Variants in GTF2H1 observed in about 807,000 individuals in gnomAD.
GTF2H1 encodes BTF2 p62.
A neutral mutation model predicts 71.2 loss-of-function variants in GTF2H1; 16 were observed. The observed-to-expected ratio is 0.22, with a 90% CI of 0.15 to 0.34. GTF2H1 has a LOEUF of 0.34. Ranked by LOEUF, GTF2H1 falls within the 10% of genes least tolerant of loss-of-function variation. The pLI is 1.00. For missense variants in GTF2H1, 498 were observed against 648.2 expected (o/e 0.77, Z 2.52); for synonymous variants, 215 against 219.0 (o/e 0.98, Z 0.16).
intron 7 of GTF2H1, among the ~76,000 whole-genome samples, chr11:18,345,499 C>CTT (rs772599660): frequency 5.0e-4 from 67 of 134,988 alleles, no homozygotes; most frequent in African/African-American, 1.5e-3. Flanking sequence ...GCATATGGAT[C>CTT]TTTTTTTTTT....
chr11:18,328,859 C>T (rs1264003611), intron 1 of GTF2H1, among the ~76,000 whole-genome samples: 1 of 151,994 alleles, frequency 6.6e-6, no homozygotes, highest in Non-Finnish European at 1.5e-5. Context: ...AAACTACATG[C>T]CTTTTTTTTC....
In GTF2H1 at chr11:18,349,207, T is replaced by TA. The variant is rs548875092; in HGVS notation, c.1053+1290dup. On this transcript the variant is annotated intron_variant, in intron 9 of 14. Transcript: ENST00000265963. Reference sequence around the variant, plus strand: ...ACTGTGCCAGCCTATTTCAGTAACTTAATGTTTTTACAGGCATGTATTACC... The same window carrying TA: ...ACTGTGCCAGCCTATTTCAGTAACTTAAATGTTTTTACAGGCATGTATTACC... 5.1e-4 allele frequency among the ~76,000 whole-genome samples: 77 copies of TA among 152,358 alleles called. 1 individual carries two copies. The highest frequency in any genetic ancestry group is 1.8e-3 in the African/African-American group (75 of 41,574).
chr11:18,327,262 C>G, intron 1 of GTF2H1, among the ~76,000 whole-genome samples: 1 of 149,386 alleles, frequency 6.7e-6, no homozygotes, highest in African/African-American at 2.4e-5. Flanking sequence ...AATAACTGCT[C>G]TAGTATAAAA....
intron 3 of GTF2H1, among the ~76,000 whole-genome samples, chr11:18,337,780 C>A (rs529689283): frequency 2.6e-5 from 4 of 152,220 alleles, no homozygotes; most frequent in Admixed American, 1.3e-4. Flanking sequence ...TGAGCATTTT[C>A]AGATACCAAC....
At chr11:18,335,217 C>T (rs1864996047) in intron 2 of GTF2H1, among the ~76,000 whole-genome samples, 1 of 152,190 alleles carries the variant, frequency 6.6e-6, no homozygotes, top group East Asian at 1.9e-4. Flanking sequence ...TGTTCCATCA[C>T]CTCAGAAAGC....
intron 8 of GTF2H1, 29 bp from the exon 9 acceptor site, chr11:18,347,803 G>T: frequency 6.3e-7 from 1 of 1,594,574 alleles, no homozygotes; most frequent in East Asian, 2.2e-5. Context: ...GGTTTTTAAC[G>T]TTAACTTTTT....
Position 18,366,093 on chromosome 11 carries a change from G to A in GTF2H1, c.*224G>A. 2 of 554,348 alleles carry A rather than the reference G, an allele frequency of 3.6e-6. No homozygotes were observed. Among genetic ancestry groups the A allele is most frequent in the Non-Finnish European group, 6.5e-6 (2 of 309,878 alleles). 34.3% of individuals were successfully genotyped at this position (554,348 alleles called of 1,614,324 possible). On this transcript the variant is annotated 3_prime_UTR_variant, in exon 15 of 15. Coordinates refer to ENST00000265963, the MANE Select transcript of GTF2H1 (RefSeq NM_005316.4). Reference sequence around the variant, plus strand: ...GGTAAATTAAGACAGAACCAAATGAGCTAAGTTGCAAATATATATATATAC... The same window carrying A: ...GGTAAATTAAGACAGAACCAAATGAACTAAGTTGCAAATATATATATATAC...
At position 18,351,935 on chromosome 11, in the gene GTF2H1, A is replaced by G; in HGVS notation, c.1108A>G (p.Lys370Glu). ...YEDLGKNNSVKTIALNLKKSD... is the reference protein window; with the variant it reads ...YEDLGKNNSVETIALNLKKSD... ...AGACTTGGGGAAAAATAATTCTGTA[A>G]AAACGATTGCACTAAACCTCAAGAA... The change falls in exon 10 of 15, where the codon AAA becomes GAA. Residue 370 changes from lysine to glutamate, a missense_variant. Physicochemically the swap from Lys to Glu is moderately conservative, Grantham distance 56 (BLOSUM62 1). Around this residue, in one of 3 missense-constraint regions of GTF2H1, gnomAD observed 266 missense variants for 301.6 expected, o/e 0.88. Coordinates refer to ENST00000265963, the MANE Select transcript of GTF2H1 (RefSeq NM_005316.4). The G allele has an allele frequency of 4.4e-6, 7 of 1,600,434 alleles. No individual in the cohort carries two copies. The highest frequency in any genetic ancestry group is 6.0e-6 in the Non-Finnish European group (7 of 1,167,766).
At chr11:18,336,010 A>C in intron 3 of GTF2H1, 64 bp downstream of exon 3, 1 of 1,177,384 alleles carries the variant, frequency 8.5e-7, no homozygotes, top group South Asian at 1.7e-5. Context: ...CTAGTATGCT[A>C]ATAGCTTGTT....
chr11:18,363,891 A>G (rs2133994743), intron 14 of GTF2H1, among the ~76,000 whole-genome samples: 1 of 152,102 alleles, frequency 6.6e-6, no homozygotes, highest in Non-Finnish European at 1.5e-5. Flanking sequence ...TGGCCAACAC[A>G]GTGAAACCCC....
In GTF2H1 at chr11:18,357,847, A is replaced by G. The variant is rs543320038; in HGVS notation, c.1261-105A>G. On this transcript the variant is annotated intron_variant, in intron 11 of 14. Transcript: ENST00000265963. ...AATGATGTAGTATTTAAACAAAAGG[A>G]AAAGCACTTCATTGTCTGCTCTAAA... is the stretch of plus-strand genomic sequence containing the variant. 47 of 689,260 alleles carry G rather than the reference A, an allele frequency of 6.8e-5. No homozygotes were observed. In the Middle Eastern group the frequency reaches 3.9e-3, roughly 58 times the overall value. 42.7% of individuals were successfully genotyped at this position (689,260 alleles called of 1,614,324 possible).
chr11:18,324,673 C>T (rs913497585), intron 1 of GTF2H1, among the ~76,000 whole-genome samples: 5 of 152,190 alleles, frequency 3.3e-5, no homozygotes, highest in Non-Finnish European at 5.9e-5. Context: ...TGTCTTTGTG[C>T]CCTTCCTTTC....
At chr11:18,347,435 G>A in intron 7 of GTF2H1, 153 bp from the exon 8 acceptor site, 1 of 565,582 alleles carries the variant, frequency 1.8e-6, no homozygotes, top group Non-Finnish European at 3.1e-6. Context: ...TGTGCATAAT[G>A]TCACTTGTTT....
chr11:18,351,685 G>A, intron 9 of GTF2H1, 196 bp from the exon 10 acceptor site: 1 of 415,890 alleles, frequency 2.4e-6, no homozygotes, highest in Non-Finnish European at 4.4e-6. Context: ...TGGTCAGAGT[G>A]TAAGAAAACT....
At chr11:18,355,074 T>G (rs1450165038) in intron 11 of GTF2H1, among the ~76,000 whole-genome samples, 2 of 152,046 alleles carry the variant, frequency 1.3e-5, no homozygotes, top group Non-Finnish European at 1.5e-5. Flanking sequence ...CCTCCCAAAG[T>G]GCTGAGATTA....
intron 4 of GTF2H1, among the ~76,000 whole-genome samples, chr11:18,338,666 CT>C (rs1216900656): frequency 6.6e-6 from 1 of 152,116 alleles, no homozygotes; most frequent in Non-Finnish European, 1.5e-5. Context: ...CCAGGCTGGT[CT>C]CAAATCCCTG....
intron 2 of GTF2H1, among the ~76,000 whole-genome samples, chr11:18,333,781 T>C (rs1864957569): frequency 6.6e-6 from 1 of 152,174 alleles, no homozygotes; most frequent in Non-Finnish European, 1.5e-5. Context: ...TGCACCACCA[T>C]GCTTGGCCAG....
intron 1 of GTF2H1, among the ~76,000 whole-genome samples, chr11:18,330,582 T>C (rs1001256260): frequency 9.2e-5 from 14 of 152,216 alleles, no homozygotes; most frequent in African/African-American, 2.9e-4. Context: ...GTGAATTATT[T>C]GCACGGGAGG....
At chr11:18,328,576 G>A (rs1486425380) in intron 1 of GTF2H1, among the ~76,000 whole-genome samples, 4 of 150,900 alleles carry the variant, frequency 2.7e-5, no homozygotes, top group Admixed American at 2.0e-4. Context: ...TGTAATCCCA[G>A]CACTTTGGGA....
Sources: allele counts gnomAD v4.1 joint callset (sites outside exome capture counted in the v4.1 genomes callset), GRCh38; gene constraint gnomAD v4.1.1; regional missense constraint gnomAD v4.1.1; transcripts MANE v1.5; gene names NCBI Gene and HGNC (gene_info 2026-07-23, HGNC 2026-07-21).